The following STK32B variants were observed in gnomAD, a reference collection of about 807,000 sequenced individuals.
STK32B encodes the protein serine/threonine-protein kinase 32B.
STK32B carries 43 observed loss-of-function variants against 52.6 expected under a neutral mutation model. That is an observed-to-expected ratio of 0.82 (90% CI 0.64 to 1.05). STK32B has a LOEUF of 1.05. Among genes scored for constraint, STK32B ranks in the 50% least tolerant of loss-of-function variants. The pLI is 0.00. For missense variants in STK32B, 621 were observed against 534.6 expected, an observed-to-expected ratio of 1.16 and a Z score of -1.59; for synonymous variants, 238 against 204.3, an observed-to-expected ratio of 1.17 and a Z score of -1.41.
intron 4 of STK32B, among the ~76,000 whole-genome samples, chr4:5,389,967 C>T (rs1417026508): frequency 6.6e-6 from 1 of 152,178 alleles, no homozygotes; most frequent in East Asian, 1.9e-4. Context: ...AAGGGGGTGC[C>T]AGCAGTCAGG....
At chr4:5,450,167 A>G (rs4558811) in intron 7 of STK32B, among the ~76,000 whole-genome samples, 21,115 of 152,170 alleles carry the variant, frequency 0.14, 1,884 homozygotes, top group East Asian at 0.46. Flanking sequence ...TCTGACCCAA[A>G]CTAGAATCTT....
At chr4:5,240,052 T>TTC (rs10563867) in intron 3 of STK32B, among the ~76,000 whole-genome samples, 1,909 of 147,844 alleles carry the variant, frequency 0.013, 27 homozygotes, top group Non-Finnish European at 0.02. Flanking sequence ...TTCATTTCTC[T>TTC]TCTCTCTCTC....
chr4:5,458,075 G>C (rs1041511193), intron 8 of STK32B, among the ~76,000 whole-genome samples: 33 of 152,196 alleles, frequency 2.2e-4, no homozygotes, highest in African/African-American at 8.0e-4. Context: ...GCCAGCATCA[G>C]TGTCATGTGG....
At chr4:5,405,729 AC>A (rs1737616581) in intron 5 of STK32B, among the ~76,000 whole-genome samples, 1 of 152,084 alleles carries the variant, frequency 6.6e-6, no homozygotes, top group South Asian at 2.1e-4. Flanking sequence ...TCTTGTGATA[AC>A]TAATTCATTA....
At chr4:5,124,759 C>G (rs898700797) in intron 1 of STK32B, among the ~76,000 whole-genome samples, 1 of 152,164 alleles carries the variant, frequency 6.6e-6, no homozygotes, top group Non-Finnish European at 1.5e-5. Flanking sequence ...CATATAGATG[C>G]ACGTGTGTGT....
chr4:5,196,723 AAAAATAAAATAAAATAAAAT>A (rs57722522), intron 3 of STK32B, among the ~76,000 whole-genome samples: 1 of 145,422 alleles, frequency 6.9e-6, no homozygotes, highest in Non-Finnish European at 1.5e-5. Flanking sequence ...TCTGTCTCAA[AAAAATAAAATAAAATAAAAT>A]AAAATAAAAT....
At chr4:5,363,444 C>T (rs1409420389) in intron 4 of STK32B, among the ~76,000 whole-genome samples, 4 of 152,164 alleles carry the variant, frequency 2.6e-5, no homozygotes, top group Non-Finnish European at 5.9e-5. Flanking sequence ...AGTCCAAAGC[C>T]TTGATGAGCT....
At chr4:5,368,374 TA>T (rs1344124942) in intron 4 of STK32B, among the ~76,000 whole-genome samples, 1 of 89,926 alleles carries the variant, frequency 1.1e-5, no homozygotes, top group East Asian at 3.5e-4. Context: ...GGTCTACTAT[TA>T]TTCCTAATTA....
At chr4:5,351,465 T>A (rs1044607672) in intron 4 of STK32B, among the ~76,000 whole-genome samples, 5 of 151,854 alleles carry the variant, frequency 3.3e-5, no homozygotes, top group Non-Finnish European at 1.5e-5. Flanking sequence ...GAAAAAGCAG[T>A]GCTAAGAGGG....
At chr4:5,241,858 A>C (rs1039463687) in intron 3 of STK32B, among the ~76,000 whole-genome samples, 1 of 152,168 alleles carries the variant, frequency 6.6e-6, no homozygotes, top group Non-Finnish European at 1.5e-5. Flanking sequence ...TAGTTTGCTG[A>C]GAATGACGGT....
At position 5,324,834 on chromosome 4, in the gene STK32B, A is replaced by G. The variant is rs1024993168; in HGVS notation, c.261-6386A>G. Among the ~76,000 whole-genome samples the G allele has an allele frequency of 2.0e-5, 3 of 152,306 alleles. No individual in the cohort carries two copies. In the South Asian group the frequency reaches 6.2e-4, roughly 32 times the overall value. On this transcript the variant is annotated intron_variant, in intron 3 of 11. Transcript: ENST00000282908. ...TGTGAGAGTGTGGGTCCATCCAGGG[A>G]CTTGTCCTAACATGACGGCAAAATC...
At chr4:5,249,466 C>T (rs1725741359) in intron 3 of STK32B, among the ~76,000 whole-genome samples, 1 of 111,116 alleles carries the variant, frequency 9.0e-6, no homozygotes, top group Non-Finnish European at 1.7e-5. Flanking sequence ...TTCCTTCCTT[C>T]CTTCCTTCCT....
chr4:5,452,187 G>C (rs2109133144), intron 7 of STK32B, among the ~76,000 whole-genome samples: 1 of 152,272 alleles, frequency 6.6e-6, no homozygotes, highest in South Asian at 2.1e-4. Flanking sequence ...CCACCTCCCT[G>C]ACCTGGTGTT....
chr4:5,262,346 G>T lies in STK32B; in HGVS notation c.261-68874G>T, dbSNP rs564380628. Reference sequence around the variant, plus strand: ...ACAGCCATTAAAAATGGCAGTGTGTGCCGGGCGCAGTGGCTCACACCTGTA... The same window carrying T: ...ACAGCCATTAAAAATGGCAGTGTGTTCCGGGCGCAGTGGCTCACACCTGTA... On this transcript the variant is annotated intron_variant, in intron 3 of 11. Coordinates refer to ENST00000282908, the MANE Select transcript of STK32B (RefSeq NM_018401.3). Among the ~76,000 whole-genome samples, 103 of 152,142 alleles carry T rather than the reference G, an allele frequency of 6.8e-4. 1 individual carries two copies. The South Asian group carries it at 0.011, about 17-fold the overall frequency.
chr4:5,370,112 T>C (rs540529420), intron 4 of STK32B, among the ~76,000 whole-genome samples: 1 of 152,270 alleles, frequency 6.6e-6, no homozygotes, highest in East Asian at 1.9e-4. Flanking sequence ...TGACCTCAGG[T>C]GATCCGCCTG....
At chr4:5,341,155 A>G (rs1358873474) in intron 4 of STK32B, among the ~76,000 whole-genome samples, 1 of 152,196 alleles carries the variant, frequency 6.6e-6, no homozygotes, top group Non-Finnish European at 1.5e-5. Context: ...TATGGATTTC[A>G]TCGACTCCTC....
chr4:5,082,956 A>AT (rs1272729009), intron 1 of STK32B, among the ~76,000 whole-genome samples: 5 of 152,308 alleles, frequency 3.3e-5, no homozygotes, highest in African/African-American at 1.2e-4. Context: ...AACAATAGCA[A>AT]TTTTTACATA....
chr4:5,487,162 C>A (rs759795164), intron 11 of STK32B, among the ~76,000 whole-genome samples: 3 of 152,246 alleles, frequency 2.0e-5, no homozygotes, highest in Middle Eastern at 3.4e-3. Flanking sequence ...TGTCTCTGTC[C>A]CATGTTGCAG....
intron 6 of STK32B, among the ~76,000 whole-genome samples, chr4:5,437,697 A>G (rs4689236): frequency 2.0e-5 from 3 of 152,046 alleles, no homozygotes; most frequent in South Asian, 2.1e-4. Flanking sequence ...TGAAGATCAT[A>G]GTAGCATTTA....
Sources: gnomAD v4.1 joint callset for allele counts (sites outside exome capture counted in the v4.1 genomes callset) on GRCh38, gnomAD v4.1.1 for gene constraint, MANE v1.5 for transcripts, NCBI Gene and HGNC (gene_info 2026-07-23, HGNC 2026-07-21) for gene names.